Variants in PCDHGA2 observed in about 807,000 individuals in gnomAD.
PCDHGA2 encodes the protein protocadherin gamma-A2.
A neutral mutation model predicts 59.2 loss-of-function variants in PCDHGA2; 40 were observed. The observed-to-expected ratio is 0.68, with a 90% CI of 0.52 to 0.88. PCDHGA2 has a LOEUF of 0.88. Among genes scored for constraint, PCDHGA2 ranks in the 40% least tolerant of loss-of-function variants. The pLI, the probability that PCDHGA2 is intolerant of heterozygous loss-of-function variation, is 0.00. For synonymous variants in PCDHGA2, 560 were observed against 526.0 expected (o/e 1.06, Z -0.89); for missense variants, 1,226 against 1,204.0 (o/e 1.02, Z -0.27).
chr5:141,448,496 G>A (rs1277705943), intron 1 of PCDHGA2, among the ~76,000 whole-genome samples: 1 of 152,024 alleles, frequency 6.6e-6, no homozygotes, highest in Non-Finnish European at 1.5e-5. Flanking sequence ...GTCCCCTGTA[G>A]GTAAACATTT....
At chr5:141,365,298 A>G in intron 1 of PCDHGA2, 1 of 1,613,990 alleles carries the variant, frequency 6.2e-7, no homozygotes, top group Non-Finnish European at 8.5e-7. Context: ...GTAGCTCAGG[A>G]TGGAGGCGCT....
intron 1 of PCDHGA2, chr5:141,374,770 G>C (rs750704696): frequency 1.2e-6 from 2 of 1,613,694 alleles, no homozygotes; most frequent in Non-Finnish European, 1.7e-6. Flanking sequence ...CCCAAATTCT[G>C]GTAACAGTTC....
chr5:141,342,465 C>A (rs748352091), intron 1 of PCDHGA2: 2 of 152,160 alleles, frequency 1.3e-5, no homozygotes, highest in Non-Finnish European at 2.9e-5. Flanking sequence ...TGAAAATTAT[C>A]ATGTACCAAT....
At chr5:141,419,109 A>T in intron 1 of PCDHGA2, 1 of 1,613,940 alleles carries the variant, frequency 6.2e-7, no homozygotes, top group Non-Finnish European at 8.5e-7. Flanking sequence ...CAGACCCCAG[A>T]GTACAACGTC....
intron 1 of PCDHGA2, chr5:141,391,966 T>A (rs1389260854): frequency 1.3e-5 from 2 of 152,162 alleles, no homozygotes; most frequent in African/African-American, 2.4e-5. Context: ...ACAATGTAAA[T>A]AAAATAGCAA....
intron 1 of PCDHGA2, chr5:141,418,954 T>G (rs1490406390): frequency 6.2e-7 from 1 of 1,613,914 alleles, no homozygotes; most frequent in East Asian, 2.2e-5. Flanking sequence ...CAGGAGTGGT[T>G]GTTGCCCTCT....
chr5:141,345,865 C>A (rs1250937992), intron 1 of PCDHGA2: 5 of 1,613,436 alleles, frequency 3.1e-6, no homozygotes, highest in Non-Finnish European at 4.2e-6. Flanking sequence ...CTGCTCAAGG[C>A]CAGCGAGCCG....
At chr5:141,410,516 C>T in intron 1 of PCDHGA2, 2 of 1,613,910 alleles carry the variant, frequency 1.2e-6, no homozygotes, top group Middle Eastern at 1.6e-4. Context: ...ATGCAGTGTG[C>T]CCCTACATTC....
In PCDHGA2 at chr5:141,476,760, CG is replaced by C. The variant is rs1325258321; in HGVS notation, c.2425-18045del. The C allele has an allele frequency of 6.2e-7, 1 of 1,613,706 alleles. No individual in the cohort carries two copies. Among genetic ancestry groups the C allele is most frequent in the African/African-American group, 1.3e-5 (1 of 74,930 alleles). On this transcript the variant is annotated intron_variant, in intron 1 of 3. Coordinates refer to ENST00000394576, the MANE Select transcript of PCDHGA2 (RefSeq NM_018915.4). This position sits in a 1 kb window ranked among gnomAD's most constrained non-coding sequence, Gnocchi z 7.6. ...GAGCCTAGTCTCCAGTTAGTGCTGA[CG>C]GCGTTGGACGGAGGGACCCCAGCTC...
intron 1 of PCDHGA2, chr5:141,351,766 C>G: frequency 6.2e-7 from 1 of 1,613,526 alleles, no homozygotes. Flanking sequence ...CCTACGTGTC[C>G]GTGAGCCCGC....
intron 1 of PCDHGA2, among the ~76,000 whole-genome samples, chr5:141,438,587 CAT>C (rs1372372472): frequency 3.8e-4 from 28 of 73,432 alleles, no homozygotes; most frequent in African/African-American, 1.4e-3. Flanking sequence ...TACATACATA[CAT>C]ACATATATAT....
chr5:141,351,880 C>T (rs559827512), intron 1 of PCDHGA2: 6 of 1,613,356 alleles, frequency 3.7e-6, no homozygotes, highest in Non-Finnish European at 3.4e-6. Flanking sequence ...CGCTCAGCGC[C>T]AACGTGAGCC....
intron 1 of PCDHGA2, chr5:141,442,360 G>A (rs890049391): frequency 6.6e-6 from 1 of 152,272 alleles, no homozygotes; most frequent in African/African-American, 2.4e-5. Flanking sequence ...GTAGCTCTAT[G>A]ATGCCATATT....
intron 1 of PCDHGA2, chr5:141,351,355 A>C (rs1758699378): frequency 1.2e-6 from 2 of 1,613,176 alleles, no homozygotes; most frequent in Admixed American, 3.3e-5. Context: ...TAGCCCTCAT[A>C]AAAGTGCGAG....
intron 1 of PCDHGA2, chr5:141,405,074 G>T (rs536930748): frequency 2.5e-6 from 4 of 1,613,794 alleles, no homozygotes; most frequent in Non-Finnish European, 3.4e-6. Context: ...CCTCACCTTC[G>T]TTATCACGCT....
intron 1 of PCDHGA2, chr5:141,390,387 T>C: frequency 1.4e-6 from 2 of 1,425,596 alleles, no homozygotes; most frequent in Non-Finnish European, 1.9e-6. Flanking sequence ...TTAGATGTCA[T>C]GGATCATTTT....
intron 1 of PCDHGA2, chr5:141,414,906 A>C (rs749933537): frequency 6.2e-7 from 1 of 1,614,146 alleles, no homozygotes; most frequent in Admixed American, 1.7e-5. Context: ...ACGGTTCCAC[A>C]GGCGTGGAGC....
intron 1 of PCDHGA2, chr5:141,366,985 G>A (rs1378912863): frequency 2.0e-6 from 1 of 493,266 alleles, no homozygotes; most frequent in East Asian, 3.7e-5. Flanking sequence ...AAAGGAAAGT[G>A]GTTAAATATA....
intron 1 of PCDHGA2, chr5:141,352,163 C>G (rs1758931128): frequency 6.2e-7 from 1 of 1,613,248 alleles, no homozygotes; most frequent in Non-Finnish European, 8.5e-7. Context: ...GGACGCGGCC[C>G]GCCAGCGCCT....
Sources: gnomAD v4.1 joint callset for allele counts (sites outside exome capture counted in the v4.1 genomes callset) on GRCh38, gnomAD v4.1.1 for gene constraint, Gnocchi (gnomAD v3.1) non-coding constraint, MANE v1.5 for transcripts, NCBI Gene and HGNC (gene_info 2026-07-23, HGNC 2026-07-21) for gene names.